The following ABR variants were observed in gnomAD, a reference collection of about 807,000 sequenced individuals.
ABR encodes the protein active breakpoint cluster region-related protein.
Under a neutral mutation model 107.2 loss-of-function variants are expected in ABR, and 35 were observed. The observed-to-expected ratio is 0.33, with a 90% CI of 0.25 to 0.43. The LOEUF (loss-of-function observed/expected upper bound fraction) is 0.43, where lower values mean the gene tolerates loss of function less well. Among genes scored for constraint, ABR ranks in the 20% least tolerant of loss-of-function variants. The probability of loss-of-function intolerance (pLI) is 1.00; values close to 1 mark genes in which losing one functional copy is unlikely to be tolerated. For missense variants in ABR, 815 were observed against 1,115.2 expected (o/e 0.73, Z 3.83); for synonymous variants, 498 against 462.0 (o/e 1.08, Z -1.00).
chr17:1,086,849 C>G, intron 4 of ABR, among the ~76,000 whole-genome samples: 1 of 152,134 alleles, frequency 6.6e-6, no homozygotes, highest in East Asian at 1.9e-4. Context: ...GTACACACAC[C>G]TATAGCCCTC....
chr17:1,102,791 A>T (rs1255148424), intron 2 of ABR, among the ~76,000 whole-genome samples: 1 of 152,074 alleles, frequency 6.6e-6, no homozygotes, highest in Admixed American at 6.6e-5. Flanking sequence ...GCTCACTGCA[A>T]CCTCTGCCTC....
chr17:1,031,926 C>G (rs955319282), intron 16 of ABR: 1 of 902,844 alleles, frequency 1.1e-6, no homozygotes, highest in African/African-American at 1.9e-5. Context: ...CTCCCTCCTC[C>G]GCATCCCTCC....
intron 16 of ABR, 111 bp downstream of exon 16, chr17:1,049,939 C>G (rs2032265413): frequency 3.5e-6 from 5 of 1,446,844 alleles, no homozygotes; most frequent in Non-Finnish European, 4.6e-6. Context: ...TTTCCTCCAA[C>G]CAGCTTGGAA....
intron 1 of ABR, among the ~76,000 whole-genome samples, chr17:1,162,209 A>G (rs995156649): frequency 1.3e-5 from 2 of 152,240 alleles, no homozygotes; most frequent in Non-Finnish European, 2.9e-5. Context: ...TTACTCTGGC[A>G]GAGAACAGCG....
At chr17:1,169,058 T>C (rs906389269) in intron 1 of ABR, among the ~76,000 whole-genome samples, 3 of 152,198 alleles carry the variant, frequency 2.0e-5, no homozygotes, top group Non-Finnish European at 4.4e-5. Context: ...GCAAAGTAAC[T>C]ACCAAGGCTT....
chr17:1,221,138 G>C (rs536023691), intron 1 of ABR, among the ~76,000 whole-genome samples: 1 of 152,318 alleles, frequency 6.6e-6, no homozygotes, highest in East Asian at 1.9e-4. Context: ...AGCTGCCTAC[G>C]CAATATCAAT....
intron 16 of ABR, among the ~76,000 whole-genome samples, chr17:1,048,840 C>G (rs1260545992): frequency 6.6e-6 from 1 of 152,222 alleles, no homozygotes; most frequent in Non-Finnish European, 1.5e-5. Flanking sequence ...ACGTCTGCGG[C>G]CACTGTCAAG....
At chr17:1,113,436 G>A (rs896695333) in intron 2 of ABR, among the ~76,000 whole-genome samples, 5 of 151,868 alleles carry the variant, frequency 3.3e-5, no homozygotes, top group East Asian at 1.9e-4. Context: ...ACAGGAACCC[G>A]CCACCAGGCC....
rs890426131 is a variant in ABR, at chr17:1,108,884, G to A, written c.247-8149C>T. ...CAGCCATTTCTCCCGCGCACCTTCG[G>A]CAGCGCCGGCCCGGCCCCCCCCAGC... On this transcript the variant is annotated intron_variant, in intron 2 of 22. Coordinates refer to ENST00000302538, the MANE Select transcript of ABR (RefSeq NM_021962.5). 21 of 1,527,682 alleles carry A rather than the reference G, an allele frequency of 1.4e-5. 2 individuals carry two copies. In the South Asian group the frequency reaches 2.6e-4, roughly 19 times the overall value. The allele number at this position is 1,527,682 out of a possible 1,614,324, so 94.6% of individuals were successfully genotyped here.
intron 10 of ABR, among the ~76,000 whole-genome samples, chr17:1,061,615 C>T (rs955433526): frequency 1.3e-5 from 2 of 151,996 alleles, no homozygotes; most frequent in East Asian, 3.9e-4. Context: ...GGCGTGATCT[C>T]GGCTCACTGC....
rs991765875 is a variant in ABR at position 1,023,054 on chromosome 17, G to A, written c.1792-9890C>T. Among the ~76,000 whole-genome samples the A allele has an allele frequency of 4.1e-4, 60 of 147,924 alleles. 2 individuals carry two copies. The highest frequency in any genetic ancestry group is 2.7e-3 in the Admixed American group (40 of 15,040). ...ACTGCAGAGCCTCTGCCTGCCCCAC[G>A]TCCGCTCCAGCGCCTCTGCCGGCCC... is the stretch of plus-strand genomic sequence containing the variant. On this transcript the variant is annotated intron_variant, in intron 16 of 22. Coordinates refer to ENST00000302538, the MANE Select transcript of ABR (RefSeq NM_021962.5).
chr17:1,138,522 G>A (rs566039307), intron 1 of ABR, among the ~76,000 whole-genome samples: 22 of 152,118 alleles, frequency 1.4e-4, no homozygotes, highest in Admixed American at 1.2e-3. Flanking sequence ...CTGTTGCCCA[G>A]GCTGGAGTGC....
Position 1,070,183 on chromosome 17 carries a change from T to C in ABR, c.895-93A>G. On this transcript the variant is annotated intron_variant, in intron 8 of 22. Transcript: ENST00000302538. This position sits in a 1 kb window ranked among gnomAD's most constrained non-coding sequence, Gnocchi z 4.2. ...GGGGGCACGGCCAGCCAGGGAGGACTGGACCGAGAGGCGGCATAGCCTGTC... is the reference window on the plus strand; with the variant it reads ...GGGGGCACGGCCAGCCAGGGAGGACCGGACCGAGAGGCGGCATAGCCTGTC... 6.5e-7 allele frequency: 1 copy of C among 1,535,306 alleles called. No homozygotes were observed. Among genetic ancestry groups the C allele is most frequent in the Non-Finnish European group, 8.9e-7 (1 of 1,128,328 alleles).
At chr17:1,021,363 G>T (rs1381670488) in intron 16 of ABR, among the ~76,000 whole-genome samples, 1 of 152,212 alleles carries the variant, frequency 6.6e-6, no homozygotes, top group Non-Finnish European at 1.5e-5. Flanking sequence ...CCCCCGAGGA[G>T]CCCTGCCTCC....
chr17:1,048,639 G>A (rs910590282), intron 16 of ABR, among the ~76,000 whole-genome samples: 3 of 123,378 alleles, frequency 2.4e-5, no homozygotes, highest in Non-Finnish European at 3.5e-5. Flanking sequence ...GATCACGTCC[G>A]GGGCCACGGT....
chr17:1,148,549 G>A lies in ABR; in HGVS notation c.62-23182C>T, dbSNP rs773450825. On this transcript the variant is annotated intron_variant, in intron 1 of 22. Transcript: ENST00000302538. This position sits in a 1 kb window ranked among gnomAD's most constrained non-coding sequence, Gnocchi z 4.9. ...GGATGCACAGCCGGAGGTGAGTGGT[G>A]GGTGAGCAAGCGTCACCCCCTGAAC... Among the ~76,000 whole-genome samples the A allele has an allele frequency of 1.3e-5, 2 of 152,218 alleles. No homozygotes were observed. The highest frequency in any genetic ancestry group is 2.9e-5 in the Non-Finnish European group (2 of 68,048).
intron 1 of ABR, among the ~76,000 whole-genome samples, chr17:1,151,077 C>G (rs1350399143): frequency 6.6e-6 from 1 of 152,136 alleles, no homozygotes; most frequent in Non-Finnish European, 1.5e-5. Context: ...AGCTGTGTGA[C>G]CTTGGGCAAG....
chr17:1,109,744 T>A (rs941481222), intron 2 of ABR, among the ~76,000 whole-genome samples: 4 of 151,952 alleles, frequency 2.6e-5, no homozygotes, highest in African/African-American at 9.7e-5. Context: ...GGAGTCAGGC[T>A]TTGCAACAGA....
chr17:1,005,605 A>G lies in ABR; in HGVS notation c.*475T>C, dbSNP rs1306505265. The G allele has an allele frequency of 1.0e-5, 2 of 196,330 alleles. No individual in the cohort carries two copies. Among genetic ancestry groups the G allele is most frequent in the Admixed American group, 1.1e-4 (2 of 17,836 alleles). The allele number at this position is 196,330 out of a possible 1,614,324, so 12.2% of individuals were successfully genotyped here. On this transcript the variant is annotated 3_prime_UTR_variant, in exon 23 of 23. Transcript: ENST00000302538. The stretch of plus-strand genomic sequence containing the variant: ...CAGGCTGGGAAGGAAGAGCGGGTGG[A>G]GGAAGACTGAGGGGAGGCTGCCAGG...
Sources: gnomAD v4.1 joint callset for allele counts (sites outside exome capture counted in the v4.1 genomes callset) on GRCh38, gnomAD v4.1.1 for gene constraint, Gnocchi (gnomAD v3.1) non-coding constraint, MANE v1.5 for transcripts, NCBI Gene and HGNC (gene_info 2026-07-23, HGNC 2026-07-21) for gene names.